The following ZNF618 variants were observed in gnomAD, a reference collection of about 807,000 sequenced individuals.
ZNF618 encodes neural precursor cell expressed, developmentally down-regulated 10.
Under a neutral mutation model 103.0 loss-of-function variants are expected in ZNF618, and 34 were observed. The ratio of observed to expected loss-of-function variants is 0.33; its 90% CI spans 0.25 to 0.44. The LOEUF is 0.44. ZNF618 is among the 20% of genes least tolerant of loss of function. ZNF618 has a pLI of 1.00. For missense variants in ZNF618, 1,059 were observed against 1,295.4 expected (o/e 0.82, Z 2.80); for synonymous variants, 551 against 542.2 (o/e 1.02, Z -0.23).
At chr9:114,033,650 G>A (rs1176186145) in intron 12 of ZNF618, among the ~76,000 whole-genome samples, 1 of 152,196 alleles carries the variant, frequency 6.6e-6, no homozygotes, top group Non-Finnish European at 1.5e-5. Context: ...CCTGGGGGGT[G>A]CCTGGCTGGT....
chr9:114,050,379 G>A lies in ZNF618; in HGVS notation c.*212G>A, dbSNP rs1422773928. ...GTGCACGTGTCTGAACACGTGCTGT[G>A]GTTGTGGGGGTGTGGGGGGGTCTCT... On this transcript the variant is annotated 3_prime_UTR_variant, in exon 15 of 15. Coordinates refer to ENST00000374126, the MANE Select transcript of ZNF618 (RefSeq NM_001318042.2). The A allele has an allele frequency of 3.6e-6, 2 of 559,122 alleles. No homozygotes were observed. The highest frequency in any genetic ancestry group is 3.0e-6 in the Non-Finnish European group (1 of 335,644). 34.6% of individuals were successfully genotyped at this position (559,122 alleles called of 1,614,324 possible).
chr9:113,876,357 G>C lies in ZNF618; in HGVS notation c.-24G>C. 3.4e-6 allele frequency: 4 copies of C among 1,190,110 alleles called. No individual in the cohort carries two copies. The South Asian group carries it at 1.7e-4, about 49-fold the overall frequency. 73.7% of individuals were successfully genotyped at this position (1,190,110 alleles called of 1,614,324 possible). A position where few individuals can be genotyped will look rare whatever the true frequency, so the allele number is the denominator to read the frequency against. Reference sequence around the variant, plus strand: ...GCCCGGGAGGAGCAGGACGCGCCGGGGCCGCCTCCTCCCGCACGGACCCAT... The same window carrying C: ...GCCCGGGAGGAGCAGGACGCGCCGGCGCCGCCTCCTCCCGCACGGACCCAT... On this transcript the variant is annotated 5_prime_UTR_variant, in exon 1 of 15. Coordinates refer to ENST00000374126, the MANE Select transcript of ZNF618 (RefSeq NM_001318042.2).
At chr9:114,024,566 C>T (rs1843338108) in intron 10 of ZNF618, among the ~76,000 whole-genome samples, 1 of 152,210 alleles carries the variant, frequency 6.6e-6, no homozygotes, top group Non-Finnish European at 1.5e-5. Flanking sequence ...TAGAATAGTT[C>T]TTATTCTGGG....
chr9:113,876,500 T>C (rs1363294956), intron 1 of ZNF618, 87 bp downstream of exon 1: 5 of 1,045,320 alleles, frequency 4.8e-6, no homozygotes, highest in Non-Finnish European at 6.0e-6. Flanking sequence ...TTGCAAGATT[T>C]GCAAAATGCA....
chr9:113,997,115 T>G (rs1840694273), intron 3 of ZNF618, among the ~76,000 whole-genome samples: 1 of 152,074 alleles, frequency 6.6e-6, no homozygotes, highest in Non-Finnish European at 1.5e-5. Flanking sequence ...TCTTCTTTCT[T>G]TCTTTTTTTT....
In ZNF618 at chr9:113,951,425, G is replaced by A. The variant is rs367632904; in HGVS notation, c.34-17692G>A. Among the ~76,000 whole-genome samples the A allele has an allele frequency of 1.1e-4, 4 of 37,558 alleles. No individual in the cohort carries two copies. The East Asian group carries it at 8.0e-3, about 75-fold the overall frequency. The allele number at this position is 37,558 out of a possible 152,430, so 24.6% of individuals were successfully genotyped here. ...TACGTATATATACACACATATATGT[G>A]TGTGTGTATATATATACATATATGT... is the stretch of plus-strand genomic sequence containing the variant. On this transcript the variant is annotated intron_variant, in intron 1 of 14. Transcript: ENST00000374126.
chr9:114,026,708 G>C (rs1843529400), intron 10 of ZNF618, among the ~76,000 whole-genome samples: 1 of 152,330 alleles, frequency 6.6e-6, no homozygotes, highest in East Asian at 1.9e-4. Flanking sequence ...AAGCCTTTGG[G>C]CCTTGGGTTT....
intron 1 of ZNF618, among the ~76,000 whole-genome samples, chr9:113,889,317 A>ATCTCTCTCTCTCTCTC (rs10627696): frequency 2.0e-4 from 28 of 139,256 alleles, no homozygotes; most frequent in Non-Finnish European, 3.4e-4. Flanking sequence ...CCCCGCTACC[A>ATCTCTCTCTCTCTCTC]TCTCTCTCTC....
At chr9:114,006,870 CA>C (rs1841799738) in intron 6 of ZNF618, among the ~76,000 whole-genome samples, 1 of 152,160 alleles carries the variant, frequency 6.6e-6, no homozygotes, top group African/African-American at 2.4e-5. Context: ...GGCTGTTCAC[CA>C]GAGGCCACCC....
chr9:114,020,567 C>T (rs924980138), intron 10 of ZNF618, among the ~76,000 whole-genome samples: 6 of 152,068 alleles, frequency 3.9e-5, no homozygotes, highest in Admixed American at 6.6e-5. Flanking sequence ...TGGTTTGTGA[C>T]ACTACCATGA....
chr9:113,991,351 C>T (rs968281152), intron 3 of ZNF618, among the ~76,000 whole-genome samples: 1 of 152,184 alleles, frequency 6.6e-6, no homozygotes, highest in Non-Finnish European at 1.5e-5. Flanking sequence ...AACAGTGTTG[C>T]CTGAGGAGAA....
intron 1 of ZNF618, among the ~76,000 whole-genome samples, chr9:113,921,339 A>G (rs778058149): frequency 6.6e-5 from 10 of 152,248 alleles, no homozygotes; most frequent in Admixed American, 1.3e-4. Flanking sequence ...AGCCTGTCCC[A>G]GGGTAGCATT....
intron 1 of ZNF618, among the ~76,000 whole-genome samples, chr9:113,946,717 C>T (rs1835070788): frequency 6.6e-6 from 1 of 152,184 alleles, no homozygotes; most frequent in South Asian, 2.1e-4. Context: ...GTACCCCTCG[C>T]AGGATGTAGA....
chr9:114,008,716 C>T lies in ZNF618; in HGVS notation c.754+162C>T, dbSNP rs376004919. ...GGGCCAGTCAGTGTTAGGACTGGAG[C>T]TTTCGAGGAGCAGCAGGGCAGCACA... is the stretch of plus-strand genomic sequence containing the variant. On this transcript the variant is annotated intron_variant, in intron 9 of 14. Transcript: ENST00000374126. Among the ~76,000 whole-genome samples, 4 of 152,164 alleles carry T rather than the reference C, an allele frequency of 2.6e-5. 1 individual carries two copies. The East Asian group carries it at 7.7e-4, about 29-fold the overall frequency.
intron 1 of ZNF618, among the ~76,000 whole-genome samples, chr9:113,878,651 T>C (rs1467207516): frequency 2.0e-5 from 3 of 152,246 alleles, no homozygotes; most frequent in African/African-American, 7.2e-5. Context: ...ACAATTTTTC[T>C]GTCCAAAAAC....
chr9:113,891,387 A>G (rs1010929054), intron 1 of ZNF618, among the ~76,000 whole-genome samples: 4 of 152,238 alleles, frequency 2.6e-5, no homozygotes, highest in Non-Finnish European at 2.9e-5. Flanking sequence ...CAGTAAGCAT[A>G]TGAAGAGATG....
At chr9:114,004,948 C>T (rs1162416160) in intron 6 of ZNF618, among the ~76,000 whole-genome samples, 1 of 152,230 alleles carries the variant, frequency 6.6e-6, no homozygotes, top group Non-Finnish European at 1.5e-5. Flanking sequence ...GACATATTCA[C>T]TCATCCATCT....
intron 1 of ZNF618, among the ~76,000 whole-genome samples, chr9:113,934,195 C>G (rs923161880): frequency 6.6e-6 from 1 of 152,116 alleles, no homozygotes; most frequent in Non-Finnish European, 1.5e-5. Context: ...TAGATGATGC[C>G]ACTAGGCTGG....
chr9:113,949,395 G>C (rs570826513), intron 1 of ZNF618, among the ~76,000 whole-genome samples: 18 of 152,276 alleles, frequency 1.2e-4, no homozygotes, highest in African/African-American at 4.3e-4. Context: ...CCAGACCCCT[G>C]TCCTCTGTGT....
Sources: allele counts gnomAD v4.1 joint callset (sites outside exome capture counted in the v4.1 genomes callset), GRCh38; gene constraint gnomAD v4.1.1; transcripts MANE v1.5; gene names NCBI Gene and HGNC (gene_info 2026-07-23, HGNC 2026-07-21).